The following AACS variants were observed in gnomAD, a reference collection of about 807,000 sequenced individuals.
The protein encoded by AACS is acetoacetyl-CoA synthetase, also known as acetoacetate-CoA ligase.
In AACS, 69 loss-of-function variants were observed where a neutral mutation model predicts 83.1. That is an observed-to-expected ratio of 0.83 (90% CI 0.68 to 1.01). The LOEUF is 1.01. Among genes scored for constraint, AACS ranks in the 50% least tolerant of loss-of-function variants. AACS has a pLI of 0.00. For synonymous variants in AACS, 333 were observed against 343.4 expected (o/e 0.97, Z 0.33); for missense variants, 866 against 882.2 (o/e 0.98, Z 0.23).
intron 3 of AACS, among the ~76,000 whole-genome samples, chr12:125,084,317 C>CAA (rs112950529): frequency 2.8e-5 from 4 of 144,602 alleles, no homozygotes; most frequent in East Asian, 2.1e-4. Context: ...GACTCCATCT[C>CAA]AAAAAAAAAA....
Position 125,129,442 on chromosome 12 carries a change from T to C in AACS, c.1531T>C (p.Tyr511His), listed in dbSNP as rs745570070. 1.2e-6 allele frequency: 2 copies of C among 1,613,820 alleles called. No individual in the cohort carries two copies. The highest frequency in any genetic ancestry group is 1.7e-4 in the Middle Eastern group (1 of 6,058). ...GAACGGCAACAAGTACAGGAAGGCGTATTTCTCCAAATTCCCAGGTCGGTT... is the reference window on the plus strand; with the variant it reads ...GAACGGCAACAAGTACAGGAAGGCGCATTTCTCCAAATTCCCAGGTCGGTT... ...DENGNKYRKA[Y>H]FSKFPGIWAH... Residue 511 changes from tyrosine to histidine, a missense_variant, in exon 14 of 18, where the codon TAT becomes CAT. Transcript: ENST00000316519. This position sits in a 1 kb window ranked among gnomAD's most constrained non-coding sequence, Gnocchi z 4.3.
intron 17 of AACS, 100 bp downstream of exon 17, chr12:125,136,964 T>C: frequency 7.8e-7 from 1 of 1,281,520 alleles, no homozygotes; most frequent in Non-Finnish European, 1.1e-6. Flanking sequence ...GTGCTTTATA[T>C]ATCGTTTGTC....
intron 10 of AACS, chr12:125,123,729 G>A (rs1170746350): frequency 2.0e-5 from 3 of 152,264 alleles, no homozygotes; most frequent in Non-Finnish European, 4.4e-5. Flanking sequence ...GAGTGACCCA[G>A]AAGAGTCTGA....
chr12:125,093,384 C>T (rs1035095842), intron 5 of AACS, among the ~76,000 whole-genome samples: 1 of 152,218 alleles, frequency 6.6e-6, no homozygotes, highest in Non-Finnish European at 1.5e-5. Flanking sequence ...GGGCTGGACC[C>T]CAGCCTGTCT....
At chr12:125,133,280 GA>G (rs1375711389) in intron 14 of AACS, among the ~76,000 whole-genome samples, 6 of 152,150 alleles carry the variant, frequency 3.9e-5, no homozygotes, top group Non-Finnish European at 7.4e-5. Flanking sequence ...TGTGGCCAAG[GA>G]ACCTCTCTCC....
In AACS at chr12:125,118,661, C is replaced by G. The variant is rs1213260827; in HGVS notation, c.1017C>G (p.Asn339Lys). 7 of 1,614,144 alleles carry G rather than the reference C, an allele frequency of 4.3e-6. No homozygotes were observed. The highest frequency in any genetic ancestry group is 5.9e-6 in the Non-Finnish European group (7 of 1,180,012). The change falls in exon 10 of 18, where the codon AAC (asparagine) becomes AAG (lysine). Residue 339 changes from asparagine (N) to lysine (K), a missense_variant. Coordinates refer to ENST00000316519, the MANE Select transcript of AACS (RefSeq NM_023928.5). ...TGCAGGTCGGCTGGATGATGTGGAA[C>G]TGGATGGTGTCCCTTCTGGCCACAG... ...CYTTVGWMMW[N>K]WMVSLLATGA...
rs1396224047 is a variant in AACS, at chr12:125,107,214, C to G, written c.861C>G (p.Ile287Met). 1.2e-6 allele frequency: 2 copies of G among 1,614,174 alleles called. No individual in the cohort carries two copies. The highest frequency in any genetic ancestry group is 2.2e-5 in the South Asian group (2 of 91,086). Residue 287 changes from isoleucine to methionine, a missense_variant, in exon 8 of 18, where the codon ATC becomes ATG. By Grantham distance (10) the Ile-to-Met change is conservative (BLOSUM62 1). Coordinates refer to ENST00000316519, the MANE Select transcript of AACS (RefSeq NM_023928.5). ...TGCCCTTCAGCCACCCACTGTTCAT[C>G]ATGTTCTCATCGGGCACCACGGGCG... ...EQLPFSHPLF[I>M]MFSSGTTGAP... is the part of the protein sequence containing the mutation.
chr12:125,117,195 T>C (rs1358215106), intron 9 of AACS, among the ~76,000 whole-genome samples: 1 of 152,088 alleles, frequency 6.6e-6, no homozygotes, highest in Non-Finnish European at 1.5e-5. Flanking sequence ...GTGGATCACT[T>C]GAGGTCAGGA....
chr12:125,093,496 A>G (rs914460769), intron 5 of AACS, among the ~76,000 whole-genome samples: 3 of 152,238 alleles, frequency 2.0e-5, no homozygotes, highest in Admixed American at 2.0e-4. Flanking sequence ...CTCAGGAGGG[A>G]TGCATGGCTC....
chr12:125,087,559 A>G (rs1185808284), intron 4 of AACS, among the ~76,000 whole-genome samples: 1 of 151,956 alleles, frequency 6.6e-6, no homozygotes, highest in Non-Finnish European at 1.5e-5. Context: ...TTTCCCCTCC[A>G]TGTCATCGGA....
At chr12:125,077,678 A>C (rs181595810) in intron 3 of AACS, among the ~76,000 whole-genome samples, 1 of 152,066 alleles carries the variant, frequency 6.6e-6, no homozygotes, top group Non-Finnish European at 1.5e-5. Flanking sequence ...AACAGTTGAC[A>C]ATCTATATTA....
chr12:125,107,383 G>C, intron 8 of AACS, 115 bp downstream of exon 8: 1 of 1,376,264 alleles, frequency 7.3e-7, no homozygotes. Context: ...TCCCCGGAGA[G>C]TCCAACGTGC....
At position 125,129,457 on chromosome 12, in the gene AACS, C is replaced by G; in HGVS notation, c.1546C>G (p.Pro516Ala). The change falls in exon 14 of 18, where the codon CCA becomes GCA. Residue 516 changes from proline (P) to alanine (A), a missense_variant. Pro to Ala is a conservative substitution (Grantham distance 27). Coordinates refer to ENST00000316519, the MANE Select transcript of AACS (RefSeq NM_023928.5). This position sits in a 1 kb window ranked among gnomAD's most constrained non-coding sequence, Gnocchi z 4.3. ...CAGGAAGGCGTATTTCTCCAAATTC[C>G]CAGGTCGGTTGGAGAGATGCAGACA... ...KYRKAYFSKF[P>A]GIWAHGDYCR... The G allele has an allele frequency of 1.2e-6, 2 of 1,613,300 alleles. No individual in the cohort carries two copies. The highest frequency in any genetic ancestry group is 1.1e-5 in the South Asian group (1 of 90,986).
chr12:125,142,030 G>A, intron 17 of AACS, 62 bp from the exon 18 acceptor site: 1 of 1,602,642 alleles, frequency 6.2e-7, no homozygotes. Context: ...GATATATCCA[G>A]GGCTGCGGAT....
At chr12:125,106,299 C>A (rs978469529) in intron 7 of AACS, among the ~76,000 whole-genome samples, 3 of 152,202 alleles carry the variant, frequency 2.0e-5, no homozygotes, top group Non-Finnish European at 4.4e-5. Context: ...GTGGCTTCTG[C>A]GGCTGTTTCT....
intron 7 of AACS, among the ~76,000 whole-genome samples, chr12:125,106,136 A>G (rs1956828740): frequency 6.6e-6 from 1 of 152,248 alleles, no homozygotes; most frequent in Non-Finnish European, 1.5e-5. Flanking sequence ...CAGAGTAATT[A>G]TCCCTAGCAA....
chr12:125,068,631 C>G (rs1454981190), intron 1 of AACS, among the ~76,000 whole-genome samples: 1 of 152,132 alleles, frequency 6.6e-6, no homozygotes, highest in East Asian at 1.9e-4. Flanking sequence ...TTGTCCTTTT[C>G]TCCTCTTACC....
At chr12:125,101,794 TCTCA>T (rs1956714229) in intron 5 of AACS, 1 of 113,710 alleles carries the variant, frequency 8.8e-6, no homozygotes, top group African/African-American at 3.5e-5. Flanking sequence ...TGAGATGGAG[TCTCA>T]CTCTGTCGCC....
rs1273899605 is a variant in AACS, at chr12:125,102,686, T to C, written c.578T>C (p.Leu193Pro). 2.5e-6 allele frequency: 4 copies of C among 1,614,094 alleles called. No individual in the cohort carries two copies. The highest frequency in any genetic ancestry group is 4.5e-5 in the East Asian group (2 of 44,876). ...TTTTCCTCCTGCTTTCAGGGTGTGCTGGACCGGTTTTCTCAAATTCAGCCA... is the reference window on the plus strand; with the variant it reads ...TTTTCCTCCTGCTTTCAGGGTGTGCCGGACCGGTTTTCTCAAATTCAGCCA... ...TSPDFGVNGV[L>P]DRFSQIQPKL... The change falls in exon 6 of 18, where the codon CTG becomes CCG. Residue 193 changes from leucine (L) to proline (P), a missense_variant. Coordinates refer to ENST00000316519, the MANE Select transcript of AACS (RefSeq NM_023928.5).
Sources: gnomAD v4.1 joint callset for allele counts (sites outside exome capture counted in the v4.1 genomes callset) on GRCh38, gnomAD v4.1.1 for gene constraint, Gnocchi (gnomAD v3.1) non-coding constraint, MANE v1.5 for transcripts, NCBI Gene and HGNC (gene_info 2026-07-23, HGNC 2026-07-21) for gene names.